The following PLAT variants were observed in gnomAD, a reference collection of about 807,000 sequenced individuals.
PLAT encodes the protein tissue-type plasminogen activator.
Under a neutral mutation model 74.9 loss-of-function variants are expected in PLAT, and 48 were observed. That is an observed-to-expected ratio of 0.64 (90% CI 0.51 to 0.82). The LOEUF is 0.82. Among genes scored for constraint, PLAT ranks in the 40% least tolerant of loss-of-function variants. The pLI is 0.00. For synonymous variants in PLAT, 307 were observed against 294.4 expected, an observed-to-expected ratio of 1.04 and a Z score of -0.44; for missense variants, 673 against 736.2, an observed-to-expected ratio of 0.91 and a Z score of 0.99.
intron 1 of PLAT, among the ~76,000 whole-genome samples, chr8:42,204,838 T>G (rs1404613329): frequency 6.6e-6 from 1 of 151,586 alleles, no homozygotes; most frequent in Non-Finnish European, 1.5e-5. Context: ...ATCAACATGG[T>G]GAAACCCTGT....
chr8:42,182,064 A>G, intron 8 of PLAT, 42 bp from the exon 9 acceptor site: 1 of 1,287,302 alleles, frequency 7.8e-7, no homozygotes. Flanking sequence ...TTATCTTCTT[A>G]TTTTTTAATT....
intron 1 of PLAT, among the ~76,000 whole-genome samples, chr8:42,194,241 A>AGAGAGAGAGAGAGAGAGTGTGTGTGT (rs1419569830): frequency 3.8e-5 from 2 of 52,544 alleles, no homozygotes; most frequent in African/African-American, 1.3e-4. Context: ...AGAGAGAGAG[A>AGAGAGAGAGAGAGAGAGTGTGTGTGT]GTGTGTGTGT....
chr8:42,181,807 T>A (rs1033894266), intron 9 of PLAT, 130 bp downstream of exon 9: 107 of 153,440 alleles, frequency 7.0e-4, no homozygotes, highest in Non-Finnish European at 9.3e-4. Context: ...GGAAGCCCCC[T>A]CCCCACCCAG....
chr8:42,204,351 C>A (rs1013616562), intron 1 of PLAT, among the ~76,000 whole-genome samples: 4 of 152,148 alleles, frequency 2.6e-5, no homozygotes, highest in Admixed American at 2.6e-4. Flanking sequence ...CCCTTATTGT[C>A]CGTCCCAACA....
chr8:42,183,755 G>C (rs528701780), intron 7 of PLAT, among the ~76,000 whole-genome samples: 1 of 151,962 alleles, frequency 6.6e-6, no homozygotes, highest in Non-Finnish European at 1.5e-5. Context: ...CTAGATCTGC[G>C]AGTCCTCATT....
intron 4 of PLAT, chr8:42,188,403 G>T: frequency 5.7e-6 from 1 of 174,354 alleles, no homozygotes; most frequent in Admixed American, 6.0e-5. Context: ...CTTTATAGAT[G>T]AGGAAACTGA....
At chr8:42,181,088 C>T (rs1805221614) in intron 9 of PLAT, among the ~76,000 whole-genome samples, 1 of 152,234 alleles carries the variant, frequency 6.6e-6, no homozygotes, top group Non-Finnish European at 1.5e-5. Context: ...AATCCTGCCT[C>T]CTCGCAAAGC....
At chr8:42,201,245 G>A (rs1365106604) in intron 1 of PLAT, among the ~76,000 whole-genome samples, 1 of 152,224 alleles carries the variant, frequency 6.6e-6, no homozygotes, top group Non-Finnish European at 1.5e-5. Flanking sequence ...CACATTCTGT[G>A]TGGGCAACTC....
At chr8:42,207,006 G>A (rs1408245516) in intron 1 of PLAT, among the ~76,000 whole-genome samples, 1 of 152,148 alleles carries the variant, frequency 6.6e-6, no homozygotes, top group Non-Finnish European at 1.5e-5. Context: ...ATAGTGCTCT[G>A]GAAGTAAGTC....
At chr8:42,192,094 C>T (rs1215381441) in intron 2 of PLAT, among the ~76,000 whole-genome samples, 1 of 151,152 alleles carries the variant, frequency 6.6e-6, no homozygotes, top group Non-Finnish European at 1.5e-5. Flanking sequence ...GTCCCAACCT[C>T]CTGAACTTAA....
chr8:42,203,984 TATATATATACACACACAC>T (rs1383288922), intron 1 of PLAT, among the ~76,000 whole-genome samples: 4 of 120,716 alleles, frequency 3.3e-5, no homozygotes, highest in African/African-American at 2.1e-4. Flanking sequence ...TATATATATA[TATATATATACACACACAC>T]ACACACACAC....
At chr8:42,177,506 C>T (rs1805019346) in intron 13 of PLAT, among the ~76,000 whole-genome samples, 1 of 152,200 alleles carries the variant, frequency 6.6e-6, no homozygotes, top group Non-Finnish European at 1.5e-5. Context: ...CCATCACTTA[C>T]TAGCTGATGG....
chr8:42,183,691 C>A (rs1041297694), intron 7 of PLAT, among the ~76,000 whole-genome samples: 1 of 151,908 alleles, frequency 6.6e-6, no homozygotes, highest in Non-Finnish European at 1.5e-5. Context: ...CTGAAACTGA[C>A]AAAGCATACC....
At chr8:42,190,179 C>T (rs1401932097) in intron 3 of PLAT, among the ~76,000 whole-genome samples, 1 of 152,194 alleles carries the variant, frequency 6.6e-6, no homozygotes, top group Non-Finnish European at 1.5e-5. Context: ...AGCCATCCTC[C>T]TGGATCCGCC....
At chr8:42,178,837 T>C in intron 13 of PLAT, 60 bp downstream of exon 13, 2 of 1,494,396 alleles carry the variant, frequency 1.3e-6, no homozygotes, top group South Asian at 2.4e-5. Context: ...GAAGAACCTG[T>C]TGTCCCAGGG....
chr8:42,181,796 T>C (rs564759160), intron 9 of PLAT, 141 bp downstream of exon 9: 6 of 322,046 alleles, frequency 1.9e-5, no homozygotes, highest in South Asian at 1.1e-4. Context: ...GCTTCAGTCA[T>C]GGAAGCCCCC....
intron 13 of PLAT, 29 bp from the exon 14 acceptor site, chr8:42,176,180 T>A: frequency 1.3e-6 from 2 of 1,587,980 alleles, no homozygotes; most frequent in South Asian, 2.3e-5. Flanking sequence ...GTTTGGCGTT[T>A]GCAAAAAAAG....
intron 1 of PLAT, among the ~76,000 whole-genome samples, chr8:42,203,003 G>A (rs544247589): frequency 3.9e-5 from 6 of 152,070 alleles, no homozygotes; most frequent in African/African-American, 9.7e-5. Context: ...GGTGACAGTC[G>A]CCCCCGGGCT....
chr8:42,176,067 G>C lies in PLAT; in HGVS notation c.1615C>G (p.Gln539Glu). 6.2e-7 allele frequency: 1 copy of C among 1,614,062 alleles called. No homozygotes were observed. The highest frequency in any genetic ancestry group is 8.5e-7 in the Non-Finnish European group (1 of 1,179,938). The change falls in exon 14 of 14, where the codon CAG (glutamine) becomes GAG (glutamate). Residue 539 changes from glutamine (Q) to glutamate (E), a missense_variant. By Grantham distance (29) the Gln-to-Glu change is conservative. Coordinates refer to ENST00000220809, the MANE Select transcript of PLAT (RefSeq NM_000930.5). The stretch of plus-strand genomic sequence containing the variant: ...GTGTACACACCCGGGACATCCTTCT[G>C]TCCACAGCCCAGGCCCCAGCTGATG... ...GIISWGLGCG[Q>E]KDVPGVYTKV... is the part of the protein sequence containing the mutation.
Sources: allele counts gnomAD v4.1 joint callset (sites outside exome capture counted in the v4.1 genomes callset), GRCh38; gene constraint gnomAD v4.1.1; transcripts MANE v1.5; gene names NCBI Gene and HGNC (gene_info 2026-07-23, HGNC 2026-07-21).